GUCY2C: variants seen among roughly 807,000 people sequenced by gnomAD.
The protein encoded by GUCY2C is guanylate cyclase 2C, also known as guanylyl cyclase C.
A neutral mutation model predicts 131.1 loss-of-function variants in GUCY2C; 118 were observed. That is an observed-to-expected ratio of 0.90 (90% confidence interval 0.78 to 1.05). The LOEUF is 1.05. Ranked by LOEUF, GUCY2C falls within the 50% of genes least tolerant of loss-of-function variation. The probability of loss-of-function intolerance (pLI) is 0.00; values close to 1 mark genes in which losing one functional copy is unlikely to be tolerated. For synonymous variants in GUCY2C, 452 were observed against 457.8 expected (o/e 0.99, Z 0.16); for missense variants, 1,161 against 1,304.4 (o/e 0.89, Z 1.69).
Position 14,639,854 on chromosome 12 carries a change from A to G in GUCY2C, c.2157+8T>C, listed in dbSNP as rs568483080. 5 of 1,499,214 alleles carry G rather than the reference A, an allele frequency of 3.3e-6. No individual in the cohort carries two copies. In the South Asian group the frequency reaches 3.4e-5, roughly 10 times the overall value. 92.9% of individuals were successfully genotyped at this position (1,499,214 alleles called of 1,614,324 possible). ...GCCAAGGAAATGAATACGGGAAGAT[A>G]TACTCACTTCTAGCTCTTTTTCCTC... On this transcript the variant is annotated splice_region_variant and intron_variant, in intron 19 of 26. Transcript: ENST00000261170.
rs748533807 is a variant in GUCY2C at position 14,660,968 on chromosome 12, G to T, written c.1364+13C>A. ...CTGGATACCGAACACAGGCATGATA[G>T]AGGCGGCTGTACCTGAGCATCAGGA... is the stretch of plus-strand genomic sequence containing the variant. On this transcript the variant is annotated intron_variant, in intron 11 of 26. Transcript: ENST00000261170. 7.0e-6 allele frequency: 11 copies of T among 1,579,714 alleles called. No individual in the cohort carries two copies. The South Asian group carries it at 1.1e-4, about 16-fold the overall frequency.
chr12:14,661,520 C>G (rs1423585576), intron 10 of GUCY2C, among the ~76,000 whole-genome samples: 7 of 152,014 alleles, frequency 4.6e-5, no homozygotes, highest in Non-Finnish European at 7.4e-5. Flanking sequence ...CTCACTGCAA[C>G]CTCTGCCTCC....
At chr12:14,673,148 A>AT (rs1036109163) in intron 8 of GUCY2C, among the ~76,000 whole-genome samples, 190 bp from the exon 9 acceptor site, 10 of 152,296 alleles carry the variant, frequency 6.6e-5, no homozygotes, top group African/African-American at 2.2e-4. Context: ...TCTGGAGGGC[A>AT]TTTTTATGGG....
At chr12:14,659,586 T>G (rs1947826875) in intron 11 of GUCY2C, among the ~76,000 whole-genome samples, 1 of 152,132 alleles carries the variant, frequency 6.6e-6, no homozygotes, top group Non-Finnish European at 1.5e-5. Context: ...ATTCTTCAAG[T>G]AAATGCATGT....
At chr12:14,647,891 T>G (rs939631895) in intron 15 of GUCY2C, among the ~76,000 whole-genome samples, 1 of 152,072 alleles carries the variant, frequency 6.6e-6, no homozygotes, top group South Asian at 2.1e-4. Context: ...TTTCTTATAA[T>G]TTTTAGTATT....
intron 10 of GUCY2C, chr12:14,665,846 T>C (rs1947967631): frequency 6.6e-6 from 1 of 152,240 alleles, no homozygotes; most frequent in Non-Finnish European, 1.5e-5. Flanking sequence ...CGTATTTCTA[T>C]ACTATTTCAA....
chr12:14,679,737 A>G lies in GUCY2C; in HGVS notation c.750T>C (p.Gly250=). Residue 250 remains glycine (G), a synonymous_variant, in exon 6 of 27, where the codon GGT becomes GGC. Transcript: ENST00000261170. ...NRKSNVIIMC[G]GPEFLYKLKG... is the part of the protein sequence containing the mutation. ...TCAGCTTGTAGAGGAACTCTGGACC[A>G]CCACACATAATAATCACTGGAGGAG... The G allele has an allele frequency of 6.4e-7, 1 of 1,571,164 alleles. No individual in the cohort carries two copies. Among genetic ancestry groups the G allele is most frequent in the Non-Finnish European group, 8.8e-7 (1 of 1,140,918 alleles).
chr12:14,624,399 T>C (rs1946961755), intron 21 of GUCY2C, among the ~76,000 whole-genome samples: 1 of 152,064 alleles, frequency 6.6e-6, no homozygotes. Context: ...TGAGCTCATG[T>C]CGTTGCACTC....
intron 11 of GUCY2C, 117 bp downstream of exon 11, chr12:14,660,864 G>T: frequency 1.4e-6 from 1 of 706,656 alleles, no homozygotes; most frequent in Non-Finnish European, 2.5e-6. Flanking sequence ...ATTATCTTAG[G>T]TCAGTCTGCA....
intron 19 of GUCY2C, among the ~76,000 whole-genome samples, chr12:14,629,832 G>C (rs1394445228): frequency 1.3e-5 from 2 of 152,130 alleles, no homozygotes; most frequent in African/African-American, 2.4e-5. Flanking sequence ...ATTTTGAAGT[G>C]GTCTTAGTAG....
chr12:14,621,926 A>G, intron 22 of GUCY2C, 79 bp downstream of exon 22: 1 of 974,656 alleles, frequency 1.0e-6, no homozygotes, highest in South Asian at 1.6e-5. Context: ...CAAGAGTAGT[A>G]ACAGAAACAA....
At chr12:14,634,895 C>T (rs1405676293) in intron 19 of GUCY2C, among the ~76,000 whole-genome samples, 1 of 152,096 alleles carries the variant, frequency 6.6e-6, no homozygotes, top group Non-Finnish European at 1.5e-5. Context: ...TGATAAAGGA[C>T]TCAATTCAGC....
chr12:14,662,537 G>A (rs1266763674), intron 10 of GUCY2C, among the ~76,000 whole-genome samples: 3 of 151,882 alleles, frequency 2.0e-5, no homozygotes, highest in Non-Finnish European at 1.5e-5. Context: ...TTATCTGGCC[G>A]TGGTGGTGGG....
intron 9 of GUCY2C, among the ~76,000 whole-genome samples, chr12:14,671,118 C>T (rs796652548): frequency 1.4e-4 from 22 of 152,104 alleles, no homozygotes; most frequent in African/African-American, 2.9e-4. Flanking sequence ...GTTGAGATTT[C>T]GGTGGGGACA....
chr12:14,653,024 GA>G lies in GUCY2C; in HGVS notation c.1471-11del. ...TTTTGTCATCATCGATCTGGCACAA[GA>G]AAAGGCTAATTATTCCAGAAGCTCC... is the stretch of plus-strand genomic sequence containing the variant. On this transcript the variant is annotated splice_polypyrimidine_tract_variant and intron_variant, in intron 12 of 26. Coordinates refer to ENST00000261170, the MANE Select transcript of GUCY2C (RefSeq NM_004963.4). The G allele has an allele frequency of 6.2e-7, 1 of 1,600,594 alleles. No homozygotes were observed. The highest frequency in any genetic ancestry group is 8.6e-7 in the Non-Finnish European group (1 of 1,167,666).
chr12:14,625,486 C>A (rs1258202593), intron 21 of GUCY2C, among the ~76,000 whole-genome samples: 1 of 152,000 alleles, frequency 6.6e-6, no homozygotes, highest in Non-Finnish European at 1.5e-5. Context: ...CGCCACCACA[C>A]CTGGCTAATT....
chr12:14,624,407 C>G (rs1327584077), intron 21 of GUCY2C, among the ~76,000 whole-genome samples: 1 of 152,024 alleles, frequency 6.6e-6, no homozygotes, highest in Non-Finnish European at 1.5e-5. Context: ...TGTCGTTGCA[C>G]TCCAGCCTGG....
intron 15 of GUCY2C, among the ~76,000 whole-genome samples, chr12:14,646,683 T>C (rs1336064348): frequency 6.6e-6 from 1 of 152,210 alleles, no homozygotes; most frequent in African/African-American, 2.4e-5. Context: ...GGAAAGTATA[T>C]GTAATAAATA....
chr12:14,681,576 C>G (rs1948349727), intron 4 of GUCY2C, 99 bp from the exon 5 acceptor site: 2 of 1,017,930 alleles, frequency 2.0e-6, no homozygotes, highest in Non-Finnish European at 3.0e-6. Flanking sequence ...ATTTGTTCAT[C>G]TAAAATTCAT....
Sources: allele counts gnomAD v4.1 joint callset (sites outside exome capture counted in the v4.1 genomes callset), GRCh38; gene constraint gnomAD v4.1.1; transcripts MANE v1.5; gene names NCBI Gene and HGNC (gene_info 2026-07-23, HGNC 2026-07-21).